PALM2AKAP2: variants seen among roughly 807,000 people sequenced by gnomAD.
PALM2AKAP2 encodes the protein PALM2 and AKAP2 fusion, also known as PALM2-AKAP2 fusion protein.
In PALM2AKAP2, 37 loss-of-function variants were observed where a neutral mutation model predicts 71.5. The ratio of observed to expected loss-of-function variants is 0.52; its 90% CI spans 0.40 to 0.68. PALM2AKAP2 has a LOEUF of 0.68. Among genes scored for constraint, PALM2AKAP2 ranks in the 30% least tolerant of loss-of-function variants. The pLI, the probability that PALM2AKAP2 is intolerant of heterozygous loss-of-function variation, is 0.00. For synonymous variants in PALM2AKAP2, 468 were observed against 478.8 expected, an observed-to-expected ratio of 0.98 and a Z score of 0.29; for missense variants, 1,224 against 1,191.8, an observed-to-expected ratio of 1.03 and a Z score of -0.40.
intron 1 of PALM2AKAP2, among the ~76,000 whole-genome samples, chr9:110,114,916 T>G (rs545286322): frequency 6.6e-6 from 1 of 152,316 alleles, no homozygotes; most frequent in Non-Finnish European, 1.5e-5. Flanking sequence ...GAGAAGGTAG[T>G]AGTCGGTTTC....
chr9:110,046,900 AATTC>A (rs1406883329), upstream of PALM2AKAP2, among the ~76,000 whole-genome samples: 2,252 of 152,344 alleles, frequency 0.015, 60 homozygotes, highest in African/African-American at 0.05. Flanking sequence ...CATCTGATGT[AATTC>A]TAAAATTCTT....
At chr9:109,947,526 A>C (rs1831537126) in intron 6 of PALM2AKAP2, among the ~76,000 whole-genome samples, 1 of 152,240 alleles carries the variant, frequency 6.6e-6, no homozygotes, top group Non-Finnish European at 1.5e-5. Context: ...GGGAGGGAAC[A>C]TGGTCATAGA....
chr9:109,706,281 A>G (rs1191800932), intron 1 of PALM2AKAP2, among the ~76,000 whole-genome samples: 2 of 152,160 alleles, frequency 1.3e-5, no homozygotes, highest in Non-Finnish European at 2.9e-5. Context: ...AATGATGATG[A>G]TGGTAGCTAG....
chr9:109,810,040 T>C (rs1827686302), intron 1 of PALM2AKAP2, among the ~76,000 whole-genome samples: 1 of 152,212 alleles, frequency 6.6e-6, no homozygotes, highest in Non-Finnish European at 1.5e-5. Context: ...GAGAATGAAC[T>C]AATACACCCC....
At chr9:109,877,817 T>G (rs930195280) in intron 2 of PALM2AKAP2, among the ~76,000 whole-genome samples, 3 of 152,224 alleles carry the variant, frequency 2.0e-5, no homozygotes, top group Admixed American at 6.5e-5. Flanking sequence ...CTGTTCAGCA[T>G]GGCCTCTTGC....
At chr9:109,882,630 C>T (rs989476468) in intron 3 of PALM2AKAP2, among the ~76,000 whole-genome samples, 4 of 151,758 alleles carry the variant, frequency 2.6e-5, no homozygotes, top group Admixed American at 6.6e-5. Flanking sequence ...ATGACCTTTT[C>T]TATTTTTCTT....
At chr9:110,153,966 G>T (rs1348725819) in intron 2 of PALM2AKAP2, among the ~76,000 whole-genome samples, 2 of 152,232 alleles carry the variant, frequency 1.3e-5, no homozygotes, top group Non-Finnish European at 2.9e-5. Context: ...AGAGTGGCTG[G>T]TGGGAAGTGA....
At chr9:109,748,241 C>A (rs1828832679) in intron 1 of PALM2AKAP2, among the ~76,000 whole-genome samples, 1 of 152,098 alleles carries the variant, frequency 6.6e-6, no homozygotes, top group Non-Finnish European at 1.5e-5. Flanking sequence ...TGATCCATGG[C>A]AAATGCAAAT....
chr9:109,918,500 A>G (rs1017505237), intron 3 of PALM2AKAP2, among the ~76,000 whole-genome samples: 2 of 152,246 alleles, frequency 1.3e-5, no homozygotes, highest in Non-Finnish European at 2.9e-5. Context: ...GCCACAGCCT[A>G]CGGATCCTCA....
chr9:109,863,570 A>T (rs915967394), intron 1 of PALM2AKAP2, among the ~76,000 whole-genome samples: 11 of 152,120 alleles, frequency 7.2e-5, no homozygotes, highest in African/African-American at 2.4e-4. Flanking sequence ...AGGCCCGAAG[A>T]GTTACTGGTT....
upstream of PALM2AKAP2, among the ~76,000 whole-genome samples, chr9:109,776,191 A>T (rs1587904109): frequency 6.6e-6 from 1 of 152,336 alleles, no homozygotes; most frequent in South Asian, 2.1e-4. Context: ...TAAATAGCAT[A>T]GTTTGGGTTT....
chr9:109,774,498 A>C (rs973381279), intron 1 of PALM2AKAP2, among the ~76,000 whole-genome samples: 1 of 152,196 alleles, frequency 6.6e-6, no homozygotes, highest in African/African-American at 2.4e-5. Flanking sequence ...ATTGACCCAC[A>C]CTAAAAGATA....
intron 7 of PALM2AKAP2, among the ~76,000 whole-genome samples, chr9:110,030,902 T>C (rs1833267548): frequency 6.6e-6 from 1 of 152,222 alleles, no homozygotes; most frequent in Non-Finnish European, 1.5e-5. Flanking sequence ...AGGTCACTTA[T>C]GCTTACTATC....
intron 3 of PALM2AKAP2, among the ~76,000 whole-genome samples, chr9:110,165,024 C>G (rs1029712651): frequency 2.0e-5 from 3 of 152,082 alleles, no homozygotes; most frequent in Non-Finnish European, 4.4e-5. Context: ...CTTCTGCTAA[C>G]TGGGTAATTC....
At chr9:110,136,033 T>G in intron 1 of PALM2AKAP2, 94 bp from the exon 8 acceptor site, 1 of 1,440,502 alleles carries the variant, frequency 6.9e-7, no homozygotes, top group Non-Finnish European at 9.2e-7. Flanking sequence ...TGGTTTCCAT[T>G]TTCCTTCCTC....
Position 109,851,206 on chromosome 9 carries a change from CAACAAAAAAA to C in PALM2AKAP2, c.46-16282_46-16273del, listed in dbSNP as rs1280796906. Among the ~76,000 whole-genome samples the C allele has an allele frequency of 5.3e-3, 281 of 53,134 alleles. 2 individuals carry two copies. The highest frequency in any genetic ancestry group is 0.012 in the African/African-American group (208 of 16,736). The allele number at this position is 53,134 out of a possible 152,430, so 34.9% of individuals were successfully genotyped here. ...ACAACAACAACAACAACAACAACAA[CAACAAAAAAA>C]AAAAAACACTACCTGGTAGTGTTTA... is the stretch of plus-strand genomic sequence containing the variant. On this transcript the variant is annotated intron_variant, in intron 1 of 9. Coordinates refer to the PALM2AKAP2 transcript ENST00000302798.
At chr9:110,077,782 G>A (rs541717587) in intron 1 of PALM2AKAP2, among the ~76,000 whole-genome samples, 2 of 152,306 alleles carry the variant, frequency 1.3e-5, no homozygotes, top group Admixed American at 6.5e-5. Flanking sequence ...TTGGGAGGCC[G>A]AGGTGGTCGG....
chr9:110,073,632 T>G (rs1384686577), intron 1 of PALM2AKAP2, among the ~76,000 whole-genome samples: 1 of 152,216 alleles, frequency 6.6e-6, no homozygotes, highest in Non-Finnish European at 1.5e-5. Context: ...AATTAAAGGT[T>G]GCACATCTAA....
chr9:109,946,680 T>A (rs562769564), intron 6 of PALM2AKAP2: 2 of 72,948 alleles, frequency 2.7e-5, no homozygotes, highest in Admixed American at 4.4e-4. Context: ...AGAGCGAAAC[T>A]CCATCTCAAA....
Sources: allele counts gnomAD v4.1 joint callset (sites outside exome capture counted in the v4.1 genomes callset), GRCh38; gene constraint gnomAD v4.1.1; transcripts MANE v1.5; gene names NCBI Gene and HGNC (gene_info 2026-07-23, HGNC 2026-07-21).